Variants in MCTP2 observed in about 807,000 individuals in gnomAD.
MCTP2 encodes the protein multiple C2 and transmembrane domain-containing protein 2.
In MCTP2, 132 loss-of-function variants were observed where a neutral mutation model predicts 111.6. The ratio of observed to expected loss-of-function variants is 1.18; its 90% CI spans 1.03 to 1.37. The LOEUF is 1.37. MCTP2 is among the 40% of genes most tolerant of loss of function. The pLI is 0.00. For missense variants in MCTP2, 1,183 were observed against 1,067.9 expected, an observed-to-expected ratio of 1.11 and a Z score of -1.50; for synonymous variants, 395 against 387.7, an observed-to-expected ratio of 1.02 and a Z score of -0.22.
chr15:94,307,539 C>A (rs938191000), intron 2 of MCTP2, among the ~76,000 whole-genome samples: 2 of 152,150 alleles, frequency 1.3e-5, no homozygotes, highest in Non-Finnish European at 2.9e-5. Context: ...TGAACAGAAG[C>A]CACATCATGT....
At chr15:94,292,456 TCAATTGTATATGTTTATGCTGAAAATACA>T (rs917371195) in intron 1 of MCTP2, among the ~76,000 whole-genome samples, 3 of 152,190 alleles carry the variant, frequency 2.0e-5, no homozygotes, top group African/African-American at 7.2e-5. Flanking sequence ...ATAAAAAAAT[TCAATTGTATATGTTTATGCTGAAAATACA>T]CAATTGGAAA....
chr15:94,281,261 A>G (rs1362663192), intron 1 of MCTP2, among the ~76,000 whole-genome samples: 3 of 152,166 alleles, frequency 2.0e-5, no homozygotes, highest in Admixed American at 6.5e-5. Flanking sequence ...GGGTACATAT[A>G]AATTTAGGAT....
chr15:94,399,873 G>A (rs1336571891), intron 15 of MCTP2, 48 bp from the exon 16 acceptor site: 1 of 1,511,916 alleles, frequency 6.6e-7, no homozygotes. Flanking sequence ...CTAGGTGGAT[G>A]AAGTCCCTAT....
At chr15:94,471,702 G>C (rs1213793778) in intron 21 of MCTP2, among the ~76,000 whole-genome samples, 1 of 150,112 alleles carries the variant, frequency 6.7e-6, no homozygotes, top group Non-Finnish European at 1.5e-5. Context: ...ATAGCAAATT[G>C]GTCCTTAAGA....
chr15:94,366,600 A>C (rs992493439), intron 10 of MCTP2, among the ~76,000 whole-genome samples: 2 of 152,186 alleles, frequency 1.3e-5, no homozygotes, highest in East Asian at 3.9e-4. Context: ...TTGACAGCTT[A>C]GGGTAAGAAT....
At chr15:94,425,967 C>CT (rs923096546) in intron 17 of MCTP2, among the ~76,000 whole-genome samples, 1 of 152,008 alleles carries the variant, frequency 6.6e-6, no homozygotes, top group East Asian at 1.9e-4. Flanking sequence ...CAAACTGTTT[C>CT]TTTTTTTTCT....
At chr15:94,365,551 A>G (rs1463274344) in intron 10 of MCTP2, among the ~76,000 whole-genome samples, 1 of 152,234 alleles carries the variant, frequency 6.6e-6, no homozygotes, top group Admixed American at 6.5e-5. Context: ...TTGAGCACTT[A>G]AACAGTCGCT....
intron 17 of MCTP2, among the ~76,000 whole-genome samples, chr15:94,406,243 C>G (rs973258583): frequency 1.3e-5 from 2 of 152,104 alleles, no homozygotes; most frequent in Non-Finnish European, 2.9e-5. Context: ...TTACTATCTT[C>G]TTTTTACAGA....
intron 14 of MCTP2, among the ~76,000 whole-genome samples, chr15:94,390,711 A>ATTTCTTTTCT (rs1238086076): frequency 7.1e-6 from 1 of 140,004 alleles, no homozygotes; most frequent in Admixed American, 7.2e-5. Flanking sequence ...AAGACCTGCA[A>ATTTCTTTTCT]TTTCTTTTCT....
At chr15:94,463,322 T>G (rs181877283) in intron 20 of MCTP2, among the ~76,000 whole-genome samples, 14 of 152,308 alleles carry the variant, frequency 9.2e-5, no homozygotes, top group Admixed American at 4.6e-4. Flanking sequence ...CTGACTTTTT[T>G]TGTGTGAAAT....
intron 1 of MCTP2, among the ~76,000 whole-genome samples, chr15:94,291,412 G>C (rs1417684808): frequency 6.6e-6 from 1 of 152,152 alleles, no homozygotes. Context: ...AGACCAGCCT[G>C]ACCAACATGA....
chr15:94,324,194 T>C (rs6497199), intron 4 of MCTP2, among the ~76,000 whole-genome samples: 136,847 of 152,290 alleles, frequency 0.9, 61,546 homozygotes, highest in East Asian at 0.99. Flanking sequence ...AGAGCTGGTC[T>C]TATGCTCCAG....
chr15:94,432,794 C>T (rs2083267204), intron 17 of MCTP2, among the ~76,000 whole-genome samples: 1 of 152,198 alleles, frequency 6.6e-6, no homozygotes, highest in African/African-American at 2.4e-5. Context: ...CAAATTCACT[C>T]TTGAAGGACA....
At chr15:94,301,099 T>C (rs2075587581) in intron 2 of MCTP2, among the ~76,000 whole-genome samples, 2 of 152,148 alleles carry the variant, frequency 1.3e-5, no homozygotes, top group African/African-American at 4.8e-5. Context: ...AACGCAACCA[T>C]TTTTTTAACC....
intron 7 of MCTP2, chr15:94,341,447 A>T (rs945255296): frequency 5.9e-5 from 9 of 152,292 alleles, no homozygotes; most frequent in African/African-American, 2.2e-4. Flanking sequence ...ATTAGAACAA[A>T]AGCATCTTTG....
At chr15:94,333,958 G>A (rs2077242091) in intron 4 of MCTP2, among the ~76,000 whole-genome samples, 2 of 152,158 alleles carry the variant, frequency 1.3e-5, no homozygotes, top group African/African-American at 4.8e-5. Context: ...AAGAGACGAT[G>A]ATATAAATTT....
chr15:94,388,028 C>T (rs144066545), intron 14 of MCTP2, among the ~76,000 whole-genome samples: 1 of 152,198 alleles, frequency 6.6e-6, no homozygotes, highest in East Asian at 1.9e-4. Flanking sequence ...GGAAAGGACA[C>T]AGAGGTAGGG....
At chr15:94,316,401 A>G (rs991880217) in intron 4 of MCTP2, among the ~76,000 whole-genome samples, 1 of 152,206 alleles carries the variant, frequency 6.6e-6, no homozygotes, top group Non-Finnish European at 1.5e-5. Context: ...TTAAAATGGC[A>G]TGTGGTTAAG....
chr15:94,384,483 A>G (rs910812873), intron 13 of MCTP2, among the ~76,000 whole-genome samples: 8 of 152,210 alleles, frequency 5.3e-5, no homozygotes, highest in Admixed American at 2.6e-4. Context: ...CAAAATCTTT[A>G]GGAAAATACA....
Sources: gnomAD v4.1 joint callset for allele counts (sites outside exome capture counted in the v4.1 genomes callset) on GRCh38, gnomAD v4.1.1 for gene constraint, MANE v1.5 for transcripts, NCBI Gene and HGNC (gene_info 2026-07-23, HGNC 2026-07-21) for gene names.